FHIP2A: variants seen among roughly 807,000 people sequenced by gnomAD.
The protein encoded by FHIP2A is family with sequence similarity 160 member B1.
In FHIP2A, 46 loss-of-function variants were observed where a neutral mutation model predicts 93.5. The ratio of observed to expected loss-of-function variants is 0.49; its 90% CI spans 0.39 to 0.63. The LOEUF (loss-of-function observed/expected upper bound fraction) is 0.63, where lower values mean the gene tolerates loss of function less well. FHIP2A is among the 20% of genes least tolerant of loss of function. The probability of loss-of-function intolerance (pLI) is 0.00; values close to 1 mark genes in which losing one functional copy is unlikely to be tolerated. For missense variants in FHIP2A, 769 were observed against 909.7 expected (o/e 0.85, Z 1.99); for synonymous variants, 332 against 326.5 (o/e 1.02, Z -0.18).
Position 114,843,726 on chromosome 10 carries a change from T to C in FHIP2A, c.817-15T>C. ...TACAATTCAAGAATTGAAGGGGGATTTTTTTTTCCTTTAGGATGGCAGAAT... is the reference window on the plus strand; with the variant it reads ...TACAATTCAAGAATTGAAGGGGGATCTTTTTTTCCTTTAGGATGGCAGAAT... On this transcript the variant is annotated splice_polypyrimidine_tract_variant and intron_variant, in intron 6 of 16. Coordinates refer to ENST00000369248, the MANE Select transcript of FHIP2A (RefSeq NM_020940.4). 1 of 1,484,588 alleles carries C rather than the reference T, an allele frequency of 6.7e-7. No individual in the cohort carries two copies. Among genetic ancestry groups the C allele is most frequent in the Non-Finnish European group, 8.9e-7 (1 of 1,119,462 alleles). 92.0% of individuals were successfully genotyped at this position (1,484,588 alleles called of 1,614,324 possible).
Position 114,821,935 on chromosome 10 carries a change from C to T in FHIP2A, c.-144C>T. ...ACACCTGAAGCGGCCGGGCCAGGCC[C>T]TGCCTCGATCCTCAGCTCGTCCTCC... On this transcript the variant is annotated 5_prime_UTR_variant, in exon 1 of 17. Coordinates refer to ENST00000369248, the MANE Select transcript of FHIP2A (RefSeq NM_020940.4). The T allele has an allele frequency of 2.5e-6, 1 of 393,274 alleles. No individual in the cohort carries two copies. The highest frequency in any genetic ancestry group is 4.2e-6 in the Non-Finnish European group (1 of 235,348). 24.4% of individuals were successfully genotyped at this position (393,274 alleles called of 1,614,324 possible). A position where few individuals can be genotyped will look rare whatever the true frequency, so the allele number is the denominator to read the frequency against.
chr10:114,895,853 A>T lies in FHIP2A; in HGVS notation c.2193-3637A>T, dbSNP rs531684428. 2.6e-5 allele frequency among the ~76,000 whole-genome samples: 4 copies of T among 152,322 alleles called. No individual in the cohort carries two copies. In the East Asian group the frequency reaches 7.7e-4, roughly 29 times the overall value. ...CCTGGCCCTTGCCTCTTGGTAGCAC[A>T]TGATGTAAGGCATATCAGTTAGCCT... On this transcript the variant is annotated intron_variant, in intron 16 of 16. Coordinates refer to the FHIP2A transcript ENST00000369250.
chr10:114,861,809 G>C lies in FHIP2A; in HGVS notation c.*269G>C. 9.1e-7 allele frequency: 1 copy of C among 1,097,124 alleles called. No homozygotes were observed. Among genetic ancestry groups the C allele is most frequent in the Non-Finnish European group, 1.1e-6 (1 of 900,650 alleles). The allele number at this position is 1,097,124 out of a possible 1,614,324, so 68.0% of individuals were successfully genotyped here. A position where few individuals can be genotyped will look rare whatever the true frequency, so the allele number is the denominator to read the frequency against. ...CAATCAAAGGAACTTCAGGAAATAA[G>C]CATTTCTAATGACTGTGAAAAGCTG... On this transcript the variant is annotated 3_prime_UTR_variant, in exon 17 of 17. Coordinates refer to ENST00000369248, the MANE Select transcript of FHIP2A (RefSeq NM_020940.4).
Position 114,881,090 on chromosome 10 carries a change from CA to C in FHIP2A, c.2193-18398del, listed in dbSNP as rs546923608. 1.2e-4 allele frequency among the ~76,000 whole-genome samples: 18 copies of C among 152,346 alleles called. No homozygotes were observed. In the South Asian group the frequency reaches 3.3e-3, roughly 28 times the overall value. Reference sequence around the variant, plus strand: ...CGCTGGATGAATCTGGGACTTCAAACAATCACTGTGCCTGAACTAACGAGGG... The same window carrying C: ...CGCTGGATGAATCTGGGACTTCAAACATCACTGTGCCTGAACTAACGAGGG... On this transcript the variant is annotated intron_variant, in intron 16 of 16. Coordinates refer to the FHIP2A transcript ENST00000369250.
chr10:114,879,237 T>A (rs752590558), intron 16 of FHIP2A, among the ~76,000 whole-genome samples: 5 of 152,170 alleles, frequency 3.3e-5, no homozygotes, highest in Non-Finnish European at 7.3e-5. Flanking sequence ...TGTGATCTGA[T>A]CTTAATGGAG....
intron 16 of FHIP2A, among the ~76,000 whole-genome samples, chr10:114,882,874 CA>C (rs11295786): frequency 0.44 from 55,300 of 124,740 alleles, 10,489 homozygotes; most frequent in South Asian, 0.5. Context: ...GACTCTGTCT[CA>C]AAAAAAAAAA....
Position 114,836,145 on chromosome 10 carries a change from G to A in FHIP2A, c.421G>A (p.Glu141Lys). Residue 141 changes from glutamate to lysine, a missense_variant, in exon 5 of 17, where the codon GAA becomes AAA. Physicochemically the swap from Glu to Lys is moderately conservative, Grantham distance 56. Transcript: ENST00000369248. ...ACAGAAATTAATTAGACTCTGTGGTGAAGTCCTAGCAACACCAACAGAAAA... is the reference window on the plus strand; with the variant it reads ...ACAGAAATTAATTAGACTCTGTGGTAAAGTCCTAGCAACACCAACAGAAAA... ...PVQKLIRLCGEVLATPTENEE... is the reference protein window; with the variant it reads ...PVQKLIRLCGKVLATPTENEE... 6.3e-7 allele frequency: 1 copy of A among 1,590,528 alleles called. No individual in the cohort carries two copies. The highest frequency in any genetic ancestry group is 8.6e-7 in the Non-Finnish European group (1 of 1,163,228).
chr10:114,869,938 T>C (rs77939172), intron 16 of FHIP2A, among the ~76,000 whole-genome samples: 31 of 152,342 alleles, frequency 2.0e-4, no homozygotes, highest in African/African-American at 6.0e-4. Context: ...ATTGCTGATA[T>C]ACATCTTGCG....
At position 114,863,422 on chromosome 10, in the gene FHIP2A, C is replaced by G; in HGVS notation, c.*1882C>G. The stretch of plus-strand genomic sequence containing the variant: ...AGTAGCAATGATATTACCTCTGAAA[C>G]CAAATACTCTTTTATCCTTGATTCC... On this transcript the variant is annotated 3_prime_UTR_variant, in exon 17 of 17. Coordinates refer to ENST00000369248, the MANE Select transcript of FHIP2A (RefSeq NM_020940.4). 9 of 1,056,534 alleles carry G rather than the reference C, an allele frequency of 8.5e-6. No homozygotes were observed. The highest frequency in any genetic ancestry group is 9.2e-6 in the Non-Finnish European group (8 of 871,786). The allele number at this position is 1,056,534 out of a possible 1,614,324, so 65.4% of individuals were successfully genotyped here.
chr10:114,829,049 GGTACCA>G (rs1460629157), intron 1 of FHIP2A, among the ~76,000 whole-genome samples: 2 of 152,140 alleles, frequency 1.3e-5, no homozygotes, highest in Non-Finnish European at 2.9e-5. Context: ...AAATCAAAAT[GGTACCA>G]GTAGAAGTGC....
intron 11 of FHIP2A, 144 bp from the exon 12 acceptor site, chr10:114,846,946 T>A: frequency 1.2e-6 from 1 of 827,538 alleles, no homozygotes. Context: ...GAATGTTAAT[T>A]TGCCTAGAAA....
intron 16 of FHIP2A, among the ~76,000 whole-genome samples, chr10:114,891,832 T>G (rs542115148): frequency 6.6e-6 from 1 of 152,044 alleles, no homozygotes. Flanking sequence ...TTCAGGCTGG[T>G]CTCAAACTCC....
chr10:114,843,450 G>A (rs2083681581), intron 6 of FHIP2A, among the ~76,000 whole-genome samples: 1 of 151,652 alleles, frequency 6.6e-6, no homozygotes, highest in African/African-American at 2.4e-5. Flanking sequence ...GATTACAGGT[G>A]CACGCCACCA....
chr10:114,880,680 A>ACACAC, intron 16 of FHIP2A, among the ~76,000 whole-genome samples: 1 of 144,146 alleles, frequency 6.9e-6, no homozygotes, highest in South Asian at 2.3e-4. Flanking sequence ...ACTCCATGTC[A>ACACAC]ACACACACAC....
At chr10:114,890,648 C>T (rs1283021939) in intron 16 of FHIP2A, among the ~76,000 whole-genome samples, 3 of 146,364 alleles carry the variant, frequency 2.0e-5, no homozygotes, top group African/African-American at 7.5e-5. Flanking sequence ...CCGTATATGA[C>T]ATATACGGTA....
intron 13 of FHIP2A, among the ~76,000 whole-genome samples, chr10:114,852,635 A>G (rs1288524062): frequency 1.3e-5 from 2 of 152,198 alleles, no homozygotes; most frequent in Non-Finnish European, 2.9e-5. Context: ...TACCTCTGCC[A>G]GATTACAGTA....
At chr10:114,882,486 T>G (rs919508264) in intron 16 of FHIP2A, among the ~76,000 whole-genome samples, 1 of 152,116 alleles carries the variant, frequency 6.6e-6, no homozygotes, top group African/African-American at 2.4e-5. Flanking sequence ...TTCCAAGAAG[T>G]GCTAGGCAGT....
intron 16 of FHIP2A, among the ~76,000 whole-genome samples, chr10:114,877,584 G>C (rs1181463118): frequency 1.3e-5 from 2 of 152,168 alleles, no homozygotes; most frequent in Admixed American, 1.3e-4. Flanking sequence ...CTGGAAGATG[G>C]AGCAGGGGAA....
At chr10:114,879,527 G>A (rs2083906300) in intron 16 of FHIP2A, among the ~76,000 whole-genome samples, 1 of 152,150 alleles carries the variant, frequency 6.6e-6, no homozygotes, top group African/African-American at 2.4e-5. Context: ...AAATGTCTAT[G>A]AAATAGAGCA....
Sources: allele counts gnomAD v4.1 joint callset (sites outside exome capture counted in the v4.1 genomes callset), GRCh38; gene constraint gnomAD v4.1.1; transcripts MANE v1.5; gene names NCBI Gene and HGNC (gene_info 2026-07-23, HGNC 2026-07-21).